Variants in ZFHX4 observed in about 807,000 individuals in gnomAD.
The protein encoded by ZFHX4 is zinc finger homeobox protein 4.
ZFHX4 carries 56 observed loss-of-function variants against 267.6 expected under a neutral mutation model. The observed-to-expected ratio is 0.21, with a 90% confidence interval of 0.17 to 0.26. The LOEUF (loss-of-function observed/expected upper bound fraction) is 0.26. Among genes scored for constraint, ZFHX4 ranks in the 10% least tolerant of loss-of-function variants. ZFHX4 has a pLI of 1.00. For missense variants in ZFHX4, 4,332 were observed against 4,420.0 expected, an observed-to-expected ratio of 0.98 and a Z score of 0.56; for synonymous variants, 1,778 against 1,665.6, an observed-to-expected ratio of 1.07 and a Z score of -1.64.
Position 76,856,215 on chromosome 8 carries a change from C to T in ZFHX4, c.9294C>T (p.Tyr3098=). ...SLHGISLPTA[Y]PGLPGLPPVL... ...ACGGCATCAGCCTGCCAACAGCCTA[C>T]CCCGGACTCCCCGGCCTTCCTCCAG... is the stretch of plus-strand genomic sequence containing the variant. The change falls in exon 10 of 11, where the codon TAC becomes TAT. Residue 3098 remains tyrosine, a synonymous_variant. Transcript: ENST00000651372. 1 of 1,613,932 alleles carries T rather than the reference C, an allele frequency of 6.2e-7. No homozygotes were observed. Among genetic ancestry groups the T allele is most frequent in the South Asian group, 1.1e-5 (1 of 91,084 alleles).
In ZFHX4 at chr8:76,808,115, T is replaced by C. The variant is rs200315180; in HGVS notation, c.3326-25223T>C. ...CTTTAAAAAATTCCATAAACTGTTA[T>C]TTTTAGCTACCATTGATTATAATAT... On this transcript the variant is annotated intron_variant, in intron 4 of 10. Transcript: ENST00000651372. Among the ~76,000 whole-genome samples, 5 of 152,252 alleles carry C rather than the reference T, an allele frequency of 3.3e-5. No individual in the cohort carries two copies. In the East Asian group the frequency reaches 9.7e-4, roughly 29 times the overall value.
chr8:76,833,780 T>G (rs1199815164), intron 5 of ZFHX4, among the ~76,000 whole-genome samples: 2 of 152,106 alleles, frequency 1.3e-5, no homozygotes, highest in Non-Finnish European at 2.9e-5. Flanking sequence ...ACTCTTGGTG[T>G]TGTACATTTT....
chr8:76,794,185 ATCT>A (rs1489965770), intron 4 of ZFHX4, among the ~76,000 whole-genome samples: 5 of 152,178 alleles, frequency 3.3e-5, no homozygotes, highest in African/African-American at 1.2e-4. Flanking sequence ...AATTTTAGGC[ATCT>A]TCTTTTATTA....
At chr8:76,739,679 A>C (rs755801579) in intron 3 of ZFHX4, among the ~76,000 whole-genome samples, 6 of 152,194 alleles carry the variant, frequency 3.9e-5, no homozygotes, top group Non-Finnish European at 7.3e-5. Flanking sequence ...TAATGAAAGC[A>C]TGAATAATTC....
chr8:76,751,145 A>G (rs928970803), intron 3 of ZFHX4, among the ~76,000 whole-genome samples: 4 of 152,140 alleles, frequency 2.6e-5, no homozygotes, highest in African/African-American at 9.6e-5. Context: ...CTTCTGACTC[A>G]CATGGGTTAT....
chr8:76,695,400 G>A (rs769264794), intron 1 of ZFHX4, among the ~76,000 whole-genome samples: 1 of 152,148 alleles, frequency 6.6e-6, no homozygotes, highest in African/African-American at 2.4e-5. Context: ...TTTTCAGAAA[G>A]ATAATATTGG....
At chr8:76,797,076 A>T (rs549207829) in intron 4 of ZFHX4, among the ~76,000 whole-genome samples, 5 of 152,312 alleles carry the variant, frequency 3.3e-5, no homozygotes, top group African/African-American at 1.2e-4. Context: ...TCCATCATGG[A>T]GGCAGGCACC....
intron 4 of ZFHX4, among the ~76,000 whole-genome samples, chr8:76,832,121 G>T (rs1490322031): frequency 6.6e-6 from 1 of 151,954 alleles, no homozygotes; most frequent in African/African-American, 2.4e-5. Context: ...TAGTGCCTTG[G>T]TATGCACTTC....
At chr8:76,807,258 T>C (rs1391414649) in intron 4 of ZFHX4, among the ~76,000 whole-genome samples, 2 of 152,024 alleles carry the variant, frequency 1.3e-5, no homozygotes, top group Non-Finnish European at 2.9e-5. Context: ...ACACAAGTGG[T>C]ATAGTGGTAT....
rs773777266 is a variant in ZFHX4 at position 76,705,186 on chromosome 8, T to C, written c.1098T>C (p.Ala366=). The C allele has an allele frequency of 1.2e-6, 2 of 1,613,802 alleles. No individual in the cohort carries two copies. Among genetic ancestry groups the C allele is most frequent in the Non-Finnish European group, 1.7e-6 (2 of 1,179,904 alleles). Residue 366 remains alanine, a synonymous_variant, in exon 2 of 11, where the codon GCT becomes GCC. Transcript: ENST00000651372. ...CAACCTTCCGCGGTTTATGGAGCGC[T>C]TTTCATGTTGAAAATGGTGACTCTT... The part of the protein sequence containing the change: ...PDPTFRGLWS[A]FHVENGDSLP...
intron 3 of ZFHX4, among the ~76,000 whole-genome samples, chr8:76,713,403 A>G (rs1316745256): frequency 6.6e-6 from 1 of 152,218 alleles, no homozygotes; most frequent in African/African-American, 2.4e-5. Flanking sequence ...GTCAGGATAG[A>G]TAGAATGATT....
At chr8:76,785,186 G>A (rs529787390) in intron 4 of ZFHX4, among the ~76,000 whole-genome samples, 21 of 152,146 alleles carry the variant, frequency 1.4e-4, no homozygotes, top group Admixed American at 4.6e-4. Flanking sequence ...GAAGAAAATT[G>A]TAATGTTTAT....
intron 4 of ZFHX4, among the ~76,000 whole-genome samples, chr8:76,816,572 G>A (rs1474599129): frequency 2.0e-5 from 3 of 150,008 alleles, no homozygotes; most frequent in Admixed American, 6.6e-5. Context: ...GTGAGTGCCT[G>A]TGTGTTAATT....
chr8:76,854,104 C>T lies in ZFHX4; in HGVS notation c.7183C>T (p.Pro2395Ser), dbSNP rs1335692221. Residue 2395 changes from proline to serine, a missense_variant, in exon 10 of 11, where the codon CCC becomes TCC. Transcript: ENST00000651372. ...GACCAGCACCCCCCTGATTCCATCA[C>T]CCAAACCAGAACCTGAGAAGACTTC... ...SGTSTPLIPS[P>S]KPEPEKTSPK... The T allele has an allele frequency of 1.2e-6, 2 of 1,613,782 alleles. No homozygotes were observed. Among genetic ancestry groups the T allele is most frequent in the Non-Finnish European group, 1.7e-6 (2 of 1,179,866 alleles).
intron 4 of ZFHX4, among the ~76,000 whole-genome samples, chr8:76,799,556 A>G (rs1811065588): frequency 6.6e-6 from 1 of 152,304 alleles, no homozygotes; most frequent in East Asian, 1.9e-4. Context: ...ATCCTTATTA[A>G]CATTCCTTGT....
chr8:76,703,084 A>T (rs1808145675), intron 1 of ZFHX4, among the ~76,000 whole-genome samples: 1 of 152,086 alleles, frequency 6.6e-6, no homozygotes, highest in Admixed American at 6.5e-5. Flanking sequence ...TATGGAGTGC[A>T]TCTTGTCCTC....
rs1352261516 is a variant in ZFHX4 at position 76,856,201 on chromosome 8, C to T, written c.9280C>T (p.Leu3094=). The change falls in exon 10 of 11, where the codon CTG becomes TTG. Residue 3094 remains leucine (L), a synonymous_variant. Coordinates refer to ENST00000651372, the MANE Select transcript of ZFHX4 (RefSeq NM_024721.5). ...CAGCAGTTCTCTCCACGGCATCAGC[C>T]TGCCAACAGCCTACCCCGGACTCCC... ...MDSSSLHGIS[L]PTAYPGLPGL... is the part of the protein sequence containing the mutation. 1.2e-6 allele frequency: 2 copies of T among 1,613,986 alleles called. No homozygotes were observed. The highest frequency in any genetic ancestry group is 2.2e-5 in the East Asian group (1 of 44,862).
At chr8:76,795,085 G>A (rs1382091247) in intron 4 of ZFHX4, among the ~76,000 whole-genome samples, 1 of 152,094 alleles carries the variant, frequency 6.6e-6, no homozygotes. Context: ...TGGAAGACAA[G>A]ATGCAATCCC....
intron 1 of ZFHX4, chr8:76,693,535 G>GTC (rs1201328632): frequency 6.6e-6 from 1 of 152,160 alleles, no homozygotes; most frequent in Non-Finnish European, 1.5e-5. Flanking sequence ...GTATGTGTGT[G>GTC]TGCCCTCTTC....
Sources: allele counts gnomAD v4.1 joint callset (sites outside exome capture counted in the v4.1 genomes callset), GRCh38; gene constraint gnomAD v4.1.1; transcripts MANE v1.5; gene names NCBI Gene and HGNC (gene_info 2026-07-23, HGNC 2026-07-21).